The following ZYG11B variants were observed in gnomAD, a reference collection of about 807,000 sequenced individuals.
ZYG11B encodes the protein zyg-11 family member B, cell cycle regulator, also known as protein zyg-11 homolog B.
In ZYG11B, 36 loss-of-function variants were observed where a neutral mutation model predicts 82.4. That is an observed-to-expected ratio of 0.44 (90% CI 0.33 to 0.58). The LOEUF is 0.58. ZYG11B is among the 20% of genes least tolerant of loss of function. ZYG11B has a pLI of 0.02. For synonymous variants in ZYG11B, 303 were observed against 312.8 expected, an observed-to-expected ratio of 0.97 and a Z score of 0.33; for missense variants, 552 against 895.6, an observed-to-expected ratio of 0.62 and a Z score of 4.90.
chr1:52,726,475 C>T lies in ZYG11B; in HGVS notation c.-179C>T, dbSNP rs886438970. ...GGCGGAGTCTGCGCTCTGGTTCGGG[C>T]TGCGGCTGCGGCTGCGGCTGCGGCT... On this transcript the variant is annotated 5_prime_UTR_variant, in exon 1 of 14. Coordinates refer to ENST00000294353, the MANE Select transcript of ZYG11B (RefSeq NM_024646.3). The T allele has an allele frequency of 3.4e-5, 17 of 503,638 alleles. No individual in the cohort carries two copies. Among genetic ancestry groups the T allele is most frequent in the Middle Eastern group, 5.8e-4 (1 of 1,716 alleles). 31.2% of individuals were successfully genotyped at this position (503,638 alleles called of 1,614,324 possible).
intron 2 of ZYG11B, among the ~76,000 whole-genome samples, chr1:52,770,711 T>A (rs1644742945): frequency 6.6e-6 from 1 of 152,192 alleles, no homozygotes; most frequent in South Asian, 2.1e-4. Context: ...TGGCTCCAGC[T>A]AACTCCAGGG....
At chr1:52,781,141 C>T (rs891405469) in intron 4 of ZYG11B, among the ~76,000 whole-genome samples, 7 of 152,086 alleles carry the variant, frequency 4.6e-5, no homozygotes, top group Non-Finnish European at 8.8e-5. Context: ...CTCAAAACAA[C>T]AACAACAACA....
At chr1:52,769,632 C>T (rs978218718) in intron 2 of ZYG11B, among the ~76,000 whole-genome samples, 3 of 152,190 alleles carry the variant, frequency 2.0e-5, no homozygotes, top group Middle Eastern at 3.2e-3. Flanking sequence ...AGGTTTTGCA[C>T]AGGCCTTTCT....
At chr1:52,729,815 T>C (rs1644315243) in intron 1 of ZYG11B, among the ~76,000 whole-genome samples, 1 of 151,878 alleles carries the variant, frequency 6.6e-6, no homozygotes, top group African/African-American at 2.4e-5. Context: ...AGGTGGCAGT[T>C]CTTTTTTTTT....
Position 52,770,092 on chromosome 1 carries a change from A to ATTT in ZYG11B, c.197-915_197-913dup, listed in dbSNP as rs33953020. On this transcript the variant is annotated intron_variant, in intron 2 of 13. Coordinates refer to ENST00000294353, the MANE Select transcript of ZYG11B (RefSeq NM_024646.3). ...AACTACTATATATATATATATATAT[A>ATTT]TTTTTTTTTTTTTTTCAGAGACAGG... 2.3e-3 allele frequency among the ~76,000 whole-genome samples: 215 copies of ATTT among 94,438 alleles called. 2 individuals carry two copies. The highest frequency in any genetic ancestry group is 0.012 in the East Asian group (36 of 3,004). The allele number at this position is 94,438 out of a possible 152,430, so 62.0% of individuals were successfully genotyped here.
intron 1 of ZYG11B, 103 bp from the exon 2 acceptor site, chr1:52,756,355 G>A (rs1644576534): frequency 1.8e-6 from 2 of 1,125,170 alleles, no homozygotes; most frequent in Non-Finnish European, 2.6e-6. Flanking sequence ...AGACACTAAA[G>A]AAATACTTGT....
At chr1:52,772,977 A>C (rs1329826434) in intron 3 of ZYG11B, among the ~76,000 whole-genome samples, 94 of 152,044 alleles carry the variant, frequency 6.2e-4, no homozygotes, top group African/African-American at 2.1e-3. Context: ...GCGCCCAGCT[A>C]CATATACTGT....
chr1:52,754,784 G>A (rs1048247512), intron 1 of ZYG11B, among the ~76,000 whole-genome samples: 1 of 152,074 alleles, frequency 6.6e-6, no homozygotes, highest in Non-Finnish European at 1.5e-5. Context: ...CTGATCTAAA[G>A]CCCGGACTTT....
At chr1:52,759,505 G>T (rs931680421) in intron 2 of ZYG11B, among the ~76,000 whole-genome samples, 5 of 152,206 alleles carry the variant, frequency 3.3e-5, no homozygotes, top group Non-Finnish European at 7.3e-5. Flanking sequence ...TGCTTGAAAT[G>T]TATTTTCTAC....
At chr1:52,818,598 A>G (rs1424898926) in intron 13 of ZYG11B, among the ~76,000 whole-genome samples, 2 of 152,082 alleles carry the variant, frequency 1.3e-5, no homozygotes, top group Admixed American at 1.3e-4. Flanking sequence ...TATAAGAGGG[A>G]AACATTCCAT....
intron 12 of ZYG11B, 83 bp downstream of exon 12, chr1:52,813,995 T>G: frequency 3.7e-6 from 5 of 1,345,700 alleles, no homozygotes; most frequent in Non-Finnish European, 3.1e-6. Flanking sequence ...GATGCATAAT[T>G]TTTCCCTCAG....
chr1:52,807,166 C>T (rs923480253), intron 10 of ZYG11B, among the ~76,000 whole-genome samples: 1 of 151,930 alleles, frequency 6.6e-6, no homozygotes, highest in Admixed American at 6.6e-5. Context: ...CCACCGCGCC[C>T]GGCCTTTTTT....
chr1:52,797,474 A>ATATGATATATAATATAATAAAT (rs1645035185), intron 8 of ZYG11B, among the ~76,000 whole-genome samples: 1 of 115,888 alleles, frequency 8.6e-6, no homozygotes, highest in Non-Finnish European at 1.7e-5. Context: ...TATATATTAT[A>ATATGATATATAATATAATAAAT]TATGATATAT....
intron 4 of ZYG11B, among the ~76,000 whole-genome samples, chr1:52,784,138 C>T (rs1380850297): frequency 2.0e-5 from 3 of 151,432 alleles, no homozygotes; most frequent in African/African-American, 4.9e-5. Flanking sequence ...ATTACAGGCA[C>T]GTGCCACCAT....
chr1:52,803,776 A>G (rs944303962), intron 10 of ZYG11B, among the ~76,000 whole-genome samples: 3 of 151,916 alleles, frequency 2.0e-5, no homozygotes, highest in African/African-American at 7.2e-5. Context: ...TTATTTGTTT[A>G]TTTATTTTTG....
intron 1 of ZYG11B, among the ~76,000 whole-genome samples, chr1:52,747,202 G>A (rs1482937829): frequency 6.6e-6 from 1 of 151,970 alleles, no homozygotes; most frequent in Non-Finnish European, 1.5e-5. Flanking sequence ...GGTGCCAGAT[G>A]TTATACTAGG....
intron 1 of ZYG11B, among the ~76,000 whole-genome samples, chr1:52,741,191 G>T (rs370066061): frequency 6.7e-6 from 1 of 150,024 alleles, no homozygotes; most frequent in African/African-American, 2.4e-5. Context: ...CCAGCTACTC[G>T]AGAGGCTAAG....
At chr1:52,797,490 G>A (rs1397240019) in intron 8 of ZYG11B, among the ~76,000 whole-genome samples, 2 of 45,072 alleles carry the variant, frequency 4.4e-5, no homozygotes, top group Admixed American at 8.4e-4. Context: ...TATATAATAT[G>A]TATAATATAT....
intron 2 of ZYG11B, among the ~76,000 whole-genome samples, chr1:52,764,487 T>C (rs1456488542): frequency 1.3e-5 from 2 of 152,006 alleles, no homozygotes; most frequent in African/African-American, 4.8e-5. Context: ...CGGTCCTAGG[T>C]CTGAGTCCTG....
Sources: gnomAD v4.1 joint callset for allele counts (sites outside exome capture counted in the v4.1 genomes callset) on GRCh38, gnomAD v4.1.1 for gene constraint, MANE v1.5 for transcripts, NCBI Gene and HGNC (gene_info 2026-07-23, HGNC 2026-07-21) for gene names.